The following WDR25 variants were observed in gnomAD, a reference collection of about 807,000 sequenced individuals.
WDR25 encodes the protein WD repeat-containing protein 25.
WDR25 carries 35 observed loss-of-function variants against 47.7 expected under a neutral mutation model. The ratio of observed to expected loss-of-function variants is 0.73; its 90% CI spans 0.56 to 0.97. The LOEUF is 0.97. WDR25 is among the 50% of genes least tolerant of loss of function. WDR25 has a pLI of 0.00. For synonymous variants in WDR25, 248 were observed against 278.9 expected, an observed-to-expected ratio of 0.89 and a Z score of 1.10; for missense variants, 634 against 704.7, an observed-to-expected ratio of 0.90 and a Z score of 1.14.
rs1350283183 is a variant in WDR25 at position 100,428,446 on chromosome 14, GC to G, written c.823-39573del. Among the ~76,000 whole-genome samples the G allele has an allele frequency of 6.6e-6, 1 of 152,216 alleles. No homozygotes were observed. Among genetic ancestry groups the G allele is most frequent in the African/African-American group, 2.4e-5 (1 of 41,458 alleles). On this transcript the variant is annotated intron_variant, in intron 2 of 6. Coordinates refer to ENST00000402312, the MANE Select transcript of WDR25 (RefSeq NM_001161476.3). The surrounding 1 kb of genome is among the most constrained non-coding windows in gnomAD (Gnocchi z 4.3). Reference sequence around the variant, plus strand: ...CAGCCTGGTGTGGGCAGCCATTTTAGCCTTTCTGGGCCTCAGCGTCCTCCTC... The same window carrying G: ...CAGCCTGGTGTGGGCAGCCATTTTAGCTTTCTGGGCCTCAGCGTCCTCCTC...
At chr14:100,513,429 G>T (rs989344880) in intron 4 of WDR25, among the ~76,000 whole-genome samples, 4 of 152,106 alleles carry the variant, frequency 2.6e-5, no homozygotes, top group African/African-American at 9.7e-5. Context: ...CCTCAATCTT[G>T]GACTTCCCAC....
At position 100,428,836 on chromosome 14, in the gene WDR25, A is replaced by C. The variant is rs1898244957; in HGVS notation, c.823-39185A>C. 6.6e-6 allele frequency among the ~76,000 whole-genome samples: 1 copy of C among 152,090 alleles called. No individual in the cohort carries two copies. The highest frequency in any genetic ancestry group is 2.4e-5 in the African/African-American group (1 of 41,420). On this transcript the variant is annotated intron_variant, in intron 2 of 6. Transcript: ENST00000402312. The surrounding 1 kb of genome is among the most constrained non-coding windows in gnomAD (Gnocchi z 4.3). Reference sequence around the variant, plus strand: ...AATCTCATATGAATTAATTTCATGAAATTGGTTTGTTTTTCTTCTTCCATT... The same window carrying C: ...AATCTCATATGAATTAATTTCATGACATTGGTTTGTTTTTCTTCTTCCATT...
chr14:100,382,005 A>C, intron 2 of WDR25: 1 of 696,652 alleles, frequency 1.4e-6, no homozygotes, highest in Admixed American at 2.1e-5. Context: ...GCCGTGAGGG[A>C]GGAGGTGAGA....
chr14:100,493,092 G>C (rs1284473434), intron 4 of WDR25, among the ~76,000 whole-genome samples: 1 of 152,224 alleles, frequency 6.6e-6, no homozygotes, highest in Non-Finnish European at 1.5e-5. Context: ...ACAAGTGTGA[G>C]CCACCACATT....
intron 3 of WDR25, among the ~76,000 whole-genome samples, chr14:100,474,889 T>TAC (rs1899965945): frequency 6.6e-6 from 1 of 152,218 alleles, no homozygotes; most frequent in South Asian, 2.1e-4. Flanking sequence ...TTGCAAATCA[T>TAC]ACATCTTGTG....
rs140417005 is a variant in WDR25 at position 100,427,437 on chromosome 14, T to G, written c.823-40584T>G. ...CATTGTATCCCCAGCTTGATCACAG[T>G]CAGCAGGGTGCAGTAGGCACTTTGA... On this transcript the variant is annotated intron_variant, in intron 2 of 6. Coordinates refer to ENST00000402312, the MANE Select transcript of WDR25 (RefSeq NM_001161476.3). 9.4e-3 allele frequency among the ~76,000 whole-genome samples: 1,430 copies of G among 152,278 alleles called. 13 individuals carry two copies. The highest frequency in any genetic ancestry group is 0.034 in the Middle Eastern group (10 of 294).
Position 100,468,276 on chromosome 14 carries a change from G to A in WDR25, c.970+108G>A. 3 of 1,475,022 alleles carry A rather than the reference G, an allele frequency of 2.0e-6. No individual in the cohort carries two copies. The highest frequency in any genetic ancestry group is 2.7e-6 in the Non-Finnish European group (3 of 1,106,484). The allele number at this position is 1,475,022 out of a possible 1,614,324, so 91.4% of individuals were successfully genotyped here. A position where few individuals can be genotyped will look rare whatever the true frequency, so the allele number is the denominator to read the frequency against. On this transcript the variant is annotated intron_variant, in intron 3 of 6. Coordinates refer to ENST00000402312, the MANE Select transcript of WDR25 (RefSeq NM_001161476.3). The surrounding 1 kb of genome is among the most constrained non-coding windows in gnomAD (Gnocchi z 4.5). ...GCTGTATACGCTTGCGTGGCAGAGG[G>A]AGAGGGGCCTCAGGGTGGGCTCGTG...
chr14:100,444,281 C>T lies in WDR25; in HGVS notation c.823-23740C>T, dbSNP rs182758886. 7.7e-4 allele frequency among the ~76,000 whole-genome samples: 118 copies of T among 152,340 alleles called. 1 individual carries two copies. The highest frequency in any genetic ancestry group is 2.7e-3 in the African/African-American group (114 of 41,582). ...ACTGGTGCTGATGGAAATTTTGCTA[C>T]TTCGAAGGTAGCAGTTTGTCCTCCC... On this transcript the variant is annotated intron_variant, in intron 2 of 6. Transcript: ENST00000402312.
At chr14:100,482,081 G>GA (rs534886352) in intron 3 of WDR25, among the ~76,000 whole-genome samples, 1,764 of 139,266 alleles carry the variant, frequency 0.013, 19 homozygotes, top group South Asian at 0.024. Context: ...TTATGAAAGA[G>GA]AAAAAAAAAA....
intron 1 of WDR25, 133 bp downstream of exon 1, chr14:100,376,628 C>T: frequency 2.4e-6 from 3 of 1,231,974 alleles, no homozygotes; most frequent in Non-Finnish European, 3.0e-6. Flanking sequence ...TCAGAAAGCG[C>T]TGTGCCTTGG....
chr14:100,486,047 TAA>T (rs527456737), intron 4 of WDR25, among the ~76,000 whole-genome samples: 1 of 143,816 alleles, frequency 7.0e-6, no homozygotes. Context: ...ACAGTGGCAT[TAA>T]AAAAAAAAAA....
intron 4 of WDR25, among the ~76,000 whole-genome samples, chr14:100,489,552 G>A (rs1900494532): frequency 6.6e-6 from 1 of 152,098 alleles, no homozygotes; most frequent in Non-Finnish European, 1.5e-5. Flanking sequence ...CTTTTTTGCA[G>A]GACTACATTA....
chr14:100,494,960 C>T (rs769257873), intron 4 of WDR25, among the ~76,000 whole-genome samples: 7 of 151,890 alleles, frequency 4.6e-5, no homozygotes, highest in African/African-American at 1.2e-4. Flanking sequence ...GGCAACATAG[C>T]GAGATCATGA....
At chr14:100,475,906 ATTT>A (rs1434661022) in intron 3 of WDR25, among the ~76,000 whole-genome samples, 1 of 151,934 alleles carries the variant, frequency 6.6e-6, no homozygotes, top group Non-Finnish European at 1.5e-5. Context: ...ATATAAAATT[ATTT>A]ATCAATTAAA....
At chr14:100,501,666 T>C (rs1386408134) in intron 4 of WDR25, among the ~76,000 whole-genome samples, 1 of 152,174 alleles carries the variant, frequency 6.6e-6, no homozygotes, top group Non-Finnish European at 1.5e-5. Flanking sequence ...TTAGGAGCTG[T>C]CACTGTGGGA....
intron 2 of WDR25, among the ~76,000 whole-genome samples, chr14:100,434,149 C>T (rs1487485722): frequency 6.6e-6 from 1 of 152,132 alleles, no homozygotes; most frequent in Non-Finnish European, 1.5e-5. Flanking sequence ...TTCATTGCTA[C>T]TGGGGGTCAC....
intron 2 of WDR25, among the ~76,000 whole-genome samples, chr14:100,443,940 T>C (rs1194771283): frequency 1.3e-5 from 2 of 152,148 alleles, no homozygotes; most frequent in African/African-American, 2.4e-5. Context: ...AGATACCACC[T>C]TCTCTGTTTT....
chr14:100,391,503 C>T (rs75410468), intron 2 of WDR25, among the ~76,000 whole-genome samples: 5,725 of 152,222 alleles, frequency 0.038, 289 homozygotes, highest in African/African-American at 0.12. Context: ...GCTTCCTCAA[C>T]CTTTCCTCAA....
At chr14:100,470,788 C>A (rs1458446976) in intron 3 of WDR25, among the ~76,000 whole-genome samples, 1 of 152,102 alleles carries the variant, frequency 6.6e-6, no homozygotes, top group Non-Finnish European at 1.5e-5. Context: ...CTTGTCTGGC[C>A]CCAGGCCCAA....
Sources: gnomAD v4.1 joint callset for allele counts (sites outside exome capture counted in the v4.1 genomes callset) on GRCh38, gnomAD v4.1.1 for gene constraint, Gnocchi (gnomAD v3.1) non-coding constraint, MANE v1.5 for transcripts, NCBI Gene and HGNC (gene_info 2026-07-23, HGNC 2026-07-21) for gene names.